Variants in STAU2 observed in about 807,000 individuals in gnomAD.
The protein encoded by STAU2 is staufen double-stranded RNA binding protein 2.
In STAU2, 20 loss-of-function variants were observed where a neutral mutation model predicts 65.9. That is an observed-to-expected ratio of 0.30 (90% CI 0.21 to 0.44). The LOEUF (loss-of-function observed/expected upper bound fraction) is 0.44. STAU2 is among the 20% of genes least tolerant of loss of function. The pLI is 1.00. For synonymous variants in STAU2, 232 were observed against 233.9 expected, an observed-to-expected ratio of 0.99 and a Z score of 0.07; for missense variants, 558 against 683.9, an observed-to-expected ratio of 0.82 and a Z score of 2.05.
At chr8:73,609,658 A>G (rs1457313220) in intron 9 of STAU2, among the ~76,000 whole-genome samples, 1 of 151,956 alleles carries the variant, frequency 6.6e-6, no homozygotes, top group Non-Finnish European at 1.5e-5. Context: ...GTCTCAATTA[A>G]AAAAAAATTA....
In STAU2 at chr8:73,428,582, C is replaced by T. The variant is rs146367032; in HGVS notation, c.1531-5880G>A. Among the ~76,000 whole-genome samples, 138 of 152,266 alleles carry T rather than the reference C, an allele frequency of 9.1e-4. 1 individual carries two copies. In the South Asian group the frequency reaches 0.016, roughly 17 times the overall value. On this transcript the variant is annotated intron_variant, in intron 13 of 14. Transcript: ENST00000524300. ...GTGATACTGCTGAATGGGGTTCCTACGAGCTCTAGGGCTTCTCGGTCCTGT... is the reference window on the plus strand; with the variant it reads ...GTGATACTGCTGAATGGGGTTCCTATGAGCTCTAGGGCTTCTCGGTCCTGT...
chr8:73,609,072 A>G (rs1563455393), intron 9 of STAU2, among the ~76,000 whole-genome samples: 1 of 152,160 alleles, frequency 6.6e-6, no homozygotes, highest in East Asian at 1.9e-4. Flanking sequence ...CAGGAGAAAG[A>G]GGTTTAGAAG....
At chr8:73,531,779 G>A (rs914466185) in intron 13 of STAU2, among the ~76,000 whole-genome samples, 14 of 152,200 alleles carry the variant, frequency 9.2e-5, no homozygotes, top group Non-Finnish European at 1.8e-4. Context: ...TCCATTCATT[G>A]TGTCTGTAAC....
At chr8:73,555,782 T>C (rs536733353) in intron 12 of STAU2, among the ~76,000 whole-genome samples, 1 of 152,358 alleles carries the variant, frequency 6.6e-6, no homozygotes, top group South Asian at 2.1e-4. Context: ...TCTGTGGATT[T>C]TGGTATCTAT....
At chr8:73,621,332 G>A (rs563987200) in intron 6 of STAU2, among the ~76,000 whole-genome samples, 5 of 152,230 alleles carry the variant, frequency 3.3e-5, no homozygotes, top group South Asian at 2.1e-4. Flanking sequence ...GTCCTGTGAA[G>A]AGGTGCCTTC....
At chr8:73,608,332 G>T (rs1362564570) in intron 9 of STAU2, among the ~76,000 whole-genome samples, 1 of 152,172 alleles carries the variant, frequency 6.6e-6, no homozygotes, top group South Asian at 2.1e-4. Flanking sequence ...ACAAGGCCAA[G>T]CACAGTGGCT....
At chr8:73,720,512 T>C (rs1392949705) in intron 3 of STAU2, among the ~76,000 whole-genome samples, 4 of 47,046 alleles carry the variant, frequency 8.5e-5, no homozygotes, top group African/African-American at 2.3e-4. Context: ...TTTTTTTTTT[T>C]TTTTTTTTTT....
chr8:73,529,446 G>A (rs73326778), intron 13 of STAU2, among the ~76,000 whole-genome samples: 1,635 of 152,242 alleles, frequency 0.011, 30 homozygotes, highest in African/African-American at 0.036. Flanking sequence ...CCAACTGAAA[G>A]TCTGTATGAA....
intron 3 of STAU2, among the ~76,000 whole-genome samples, chr8:73,733,304 T>C (rs1393466580): frequency 6.6e-6 from 1 of 152,206 alleles, no homozygotes; most frequent in Non-Finnish European, 1.5e-5. Flanking sequence ...TTCCAATTCC[T>C]TAGGACACAC....
At chr8:73,738,582 A>G (rs978336467) in intron 2 of STAU2, among the ~76,000 whole-genome samples, 6 of 152,216 alleles carry the variant, frequency 3.9e-5, no homozygotes, top group African/African-American at 1.4e-4. Flanking sequence ...CAAGAAAATA[A>G]TATTTAATTT....
intron 9 of STAU2, among the ~76,000 whole-genome samples, chr8:73,607,664 G>T (rs1455635848): frequency 6.6e-6 from 1 of 151,062 alleles, no homozygotes; most frequent in East Asian, 2.0e-4. Flanking sequence ...TTTAACCTGG[G>T]AGGAGGAGGT....
At chr8:73,582,657 A>C in intron 12 of STAU2, 113 bp downstream of exon 12, 1 of 940,364 alleles carries the variant, frequency 1.1e-6, no homozygotes, top group East Asian at 2.4e-5. Flanking sequence ...GTACCCTCCA[A>C]AATACTTAAC....
chr8:73,683,780 C>T (rs1371789722), intron 5 of STAU2, among the ~76,000 whole-genome samples: 12 of 152,148 alleles, frequency 7.9e-5, no homozygotes, highest in Admixed American at 1.3e-4. Flanking sequence ...ACAAAATAAA[C>T]GTACACAAGT....
At chr8:73,517,885 AGCATAT>A (rs1822826989) in intron 13 of STAU2, among the ~76,000 whole-genome samples, 1 of 152,206 alleles carries the variant, frequency 6.6e-6, no homozygotes, top group Non-Finnish European at 1.5e-5. Context: ...TGCTGTTCTA[AGCATAT>A]ATGAAATTAT....
chr8:73,636,964 G>C (rs1170763011), intron 6 of STAU2, among the ~76,000 whole-genome samples: 2 of 148,612 alleles, frequency 1.3e-5, no homozygotes, highest in Non-Finnish European at 3.0e-5. Context: ...TTTCAGCAGA[G>C]AACAGTAATT....
chr8:73,583,330 G>C (rs1810129983), intron 11 of STAU2, among the ~76,000 whole-genome samples: 1 of 151,988 alleles, frequency 6.6e-6, no homozygotes, highest in African/African-American at 2.4e-5. Flanking sequence ...ATTTTTAGTA[G>C]AGATGGGGTT....
chr8:73,728,636 A>T (rs540102971), intron 3 of STAU2, among the ~76,000 whole-genome samples: 1 of 152,230 alleles, frequency 6.6e-6, no homozygotes, highest in Non-Finnish European at 1.5e-5. Flanking sequence ...TATAGTTTAC[A>T]GTGCACAAGT....
chr8:73,422,779 T>C (rs866853005), intron 13 of STAU2, 77 bp from the exon 14 acceptor site: 17 of 957,558 alleles, frequency 1.8e-5, no homozygotes, highest in East Asian at 6.2e-5. Flanking sequence ...AAAGCTGAGA[T>C]AGAAAGACTC....
chr8:73,579,284 T>C (rs1398134123), intron 12 of STAU2, among the ~76,000 whole-genome samples: 2 of 152,154 alleles, frequency 1.3e-5, no homozygotes, highest in Non-Finnish European at 2.9e-5. Flanking sequence ...TAAATAAAAC[T>C]TTTTAAAAGG....
Sources: allele counts gnomAD v4.1 joint callset (sites outside exome capture counted in the v4.1 genomes callset), GRCh38; gene constraint gnomAD v4.1.1; transcripts MANE v1.5; gene names NCBI Gene and HGNC (gene_info 2026-07-23, HGNC 2026-07-21).